Variants in PTPRT observed in about 807,000 individuals in gnomAD.
PTPRT encodes protein tyrosine phosphatase receptor type T.
In PTPRT, 56 loss-of-function variants were observed where a neutral mutation model predicts 176.8. That is an observed-to-expected ratio of 0.32 (90% confidence interval 0.26 to 0.40). PTPRT has a LOEUF of 0.40. Among genes scored for constraint, PTPRT ranks in the 10% least tolerant of loss-of-function variants. PTPRT has a pLI of 1.00. For missense variants in PTPRT, 1,540 were observed against 1,908.2 expected, an observed-to-expected ratio of 0.81 and a Z score of 3.60; for synonymous variants, 783 against 739.0, an observed-to-expected ratio of 1.06 and a Z score of -0.96.
chr20:42,055,348 T>G, the PTPRT span, among the ~76,000 whole-genome samples: 2 of 152,214 alleles, frequency 1.3e-5, no homozygotes, highest in Non-Finnish European at 2.9e-5. Context: ...ACTCATGCAT[T>G]CTTTTGATGA....
chr20:42,453,296 G>A (rs145153341), intron 8 of PTPRT, among the ~76,000 whole-genome samples: 2 of 152,154 alleles, frequency 1.3e-5, no homozygotes, highest in East Asian at 1.9e-4. Context: ...CCAGTAAACT[G>A]TATAAATCTT....
At position 42,299,082 on chromosome 20, in the gene PTPRT, CA is replaced by C. The variant is rs139949429; in HGVS notation, c.2140-16558del. Among the ~76,000 whole-genome samples, 14 of 150,090 alleles carry C rather than the reference CA, an allele frequency of 9.3e-5. No homozygotes were observed. In the East Asian group the frequency reaches 1.4e-3, roughly 15 times the overall value. On this transcript the variant is annotated intron_variant, in intron 12 of 30. Transcript: ENST00000373187. ...ACATACATTGACTTCAAAATTTTCA[CA>C]AAAAAAAACCGCCAAGAAATTAATG...
intron 1 of PTPRT, among the ~76,000 whole-genome samples, chr20:43,120,429 G>A (rs778188959): frequency 1.3e-5 from 2 of 152,028 alleles, no homozygotes; most frequent in African/African-American, 4.8e-5. Flanking sequence ...CCGCCACCAC[G>A]TCCGGCTAAT....
intron 16 of PTPRT, among the ~76,000 whole-genome samples, chr20:42,182,908 G>GTGTA (rs1990582995): frequency 2.6e-4 from 1 of 3,830 alleles, no homozygotes; most frequent in Non-Finnish European, 4.8e-4. Context: ...ACAAGCAGGG[G>GTGTA]TGTGTGTGTG....
intron 15 of PTPRT, among the ~76,000 whole-genome samples, chr20:42,226,692 G>A (rs1258548432): frequency 2.0e-5 from 3 of 152,110 alleles, no homozygotes; most frequent in Non-Finnish European, 4.4e-5. Context: ...TAGTGCTTTC[G>A]GAAGTAAACC....
Position 42,740,141 on chromosome 20 carries a change from T to A in PTPRT, c.859+16321A>T, listed in dbSNP as rs75926443. On this transcript the variant is annotated intron_variant, in intron 6 of 30. Coordinates refer to ENST00000373187, the MANE Select transcript of PTPRT (RefSeq NM_007050.6). ...AGACATAATCCTTTTGCCCTTGAGG[T>A]TGTTAAACTACAAGGTGTGGATCTG... is the stretch of plus-strand genomic sequence containing the variant. Among the ~76,000 whole-genome samples the A allele has an allele frequency of 6.8e-3, 1,034 of 152,218 alleles. 37 individuals are homozygous for A. Among genetic ancestry groups the A allele is most frequent in the Admixed American group, 0.054 (819 of 15,288 alleles).
chr20:42,216,729 C>G (rs2055780366), intron 15 of PTPRT, among the ~76,000 whole-genome samples: 1 of 152,160 alleles, frequency 6.6e-6, no homozygotes, highest in Admixed American at 6.5e-5. Context: ...TTGAGCTTCC[C>G]CGTGTCTACG....
chr20:42,741,521 T>C (rs2076610144), intron 6 of PTPRT, among the ~76,000 whole-genome samples: 1 of 152,146 alleles, frequency 6.6e-6, no homozygotes, highest in South Asian at 2.1e-4. Flanking sequence ...ATTTCTTGTA[T>C]TTTTAGTAGA....
At chr20:42,363,270 T>TTTTATATATATATA (rs1312740759) in intron 9 of PTPRT, among the ~76,000 whole-genome samples, 6 of 30,380 alleles carry the variant, frequency 2.0e-4, no homozygotes, top group African/African-American at 5.4e-4. Flanking sequence ...TTTATTACAA[T>TTTTATATATATATA]TATATATATA....
intron 7 of PTPRT, among the ~76,000 whole-genome samples, chr20:42,602,434 AT>A (rs1385587887): frequency 6.6e-6 from 1 of 152,118 alleles, no homozygotes; most frequent in Non-Finnish European, 1.5e-5. Flanking sequence ...ATAAACGCCT[AT>A]TTGATAGTGC....
At chr20:42,047,244 TG>T in the PTPRT span, among the ~76,000 whole-genome samples, 1 of 152,138 alleles carries the variant, frequency 6.6e-6, no homozygotes, top group Non-Finnish European at 1.5e-5. Context: ...TGTCATTAAT[TG>T]GGGGTGAGGT....
chr20:42,390,093 G>A (rs2058786647), intron 9 of PTPRT, among the ~76,000 whole-genome samples: 1 of 152,134 alleles, frequency 6.6e-6, no homozygotes, highest in Admixed American at 6.6e-5. Flanking sequence ...GACTCTAGGA[G>A]GGTGAGGAAC....
chr20:42,083,964 G>A lies in PTPRT; in HGVS notation c.4136+718C>T, dbSNP rs147027597. Among the ~76,000 whole-genome samples the A allele has an allele frequency of 1.7e-3, 265 of 152,280 alleles. 1 individual carries two copies. Among genetic ancestry groups the A allele is most frequent in the African/African-American group, 6.2e-3 (256 of 41,556 alleles). Reference sequence around the variant, plus strand: ...TGCTCTTTTAAGTAATTACATTTACGTTTGCATATTTGCTACCATGACATT... The same window carrying A: ...TGCTCTTTTAAGTAATTACATTTACATTTGCATATTTGCTACCATGACATT... On this transcript the variant is annotated intron_variant, in intron 29 of 30. Coordinates refer to ENST00000373187, the MANE Select transcript of PTPRT (RefSeq NM_007050.6).
intron 13 of PTPRT, among the ~76,000 whole-genome samples, chr20:42,253,652 T>C (rs2056586477): frequency 6.6e-6 from 1 of 152,150 alleles, no homozygotes; most frequent in South Asian, 2.1e-4. Flanking sequence ...CACCAGATGA[T>C]AAATTTCTCC....
At chr20:42,100,718 C>T (rs1985850073) in intron 26 of PTPRT, among the ~76,000 whole-genome samples, 1 of 152,198 alleles carries the variant, frequency 6.6e-6, no homozygotes, top group Admixed American at 6.5e-5. Flanking sequence ...CACTCACACA[C>T]ATAATGCACA....
chr20:42,525,362 C>T (rs2072250342), intron 7 of PTPRT, among the ~76,000 whole-genome samples: 1 of 152,144 alleles, frequency 6.6e-6, no homozygotes, highest in Non-Finnish European at 1.5e-5. Flanking sequence ...ATTTCAAGTA[C>T]ATAAGCTTTA....
intron 1 of PTPRT, among the ~76,000 whole-genome samples, chr20:43,080,307 C>T (rs2011405185): frequency 1.3e-5 from 2 of 152,210 alleles, no homozygotes; most frequent in Non-Finnish European, 1.5e-5. Context: ...GCAGTGACGA[C>T]TACAGAGAGC....
intron 1 of PTPRT, among the ~76,000 whole-genome samples, chr20:43,085,369 C>T (rs1411662296): frequency 1.3e-5 from 2 of 152,092 alleles, no homozygotes; most frequent in Non-Finnish European, 2.9e-5. Context: ...TCACAAAAAA[C>T]TGTTTATATG....
intron 6 of PTPRT, among the ~76,000 whole-genome samples, chr20:42,733,061 G>C (rs2076486491): frequency 6.6e-6 from 1 of 152,186 alleles, no homozygotes; most frequent in Non-Finnish European, 1.5e-5. Flanking sequence ...GCAACCTCAT[G>C]TGGAAATAAA....
Sources: gnomAD v4.1 joint callset for allele counts (sites outside exome capture counted in the v4.1 genomes callset) on GRCh38, gnomAD v4.1.1 for gene constraint, MANE v1.5 for transcripts, NCBI Gene and HGNC (gene_info 2026-07-23, HGNC 2026-07-21) for gene names.